IGF1: variants seen among roughly 807,000 people sequenced by gnomAD.
IGF1 encodes insulin-like growth factor 1.
In IGF1, 4 loss-of-function variants were observed where a neutral mutation model predicts 13.8. That is an observed-to-expected ratio of 0.29 (90% CI 0.14 to 0.66). The LOEUF (loss-of-function observed/expected upper bound fraction) is 0.66. Among genes scored for constraint, IGF1 ranks in the 30% least tolerant of loss-of-function variants. The probability of loss-of-function intolerance (pLI) is 0.78; values close to 1 mark genes in which losing one functional copy is unlikely to be tolerated. For missense variants in IGF1, 124 were observed against 188.5 expected, an observed-to-expected ratio of 0.66 and a Z score of 2.00; for synonymous variants, 76 against 72.6, an observed-to-expected ratio of 1.05 and a Z score of -0.23.
intron 3 of IGF1, among the ~76,000 whole-genome samples, chr12:102,407,407 T>C (rs1874270078): frequency 6.6e-6 from 1 of 152,244 alleles, no homozygotes; most frequent in Non-Finnish European, 1.5e-5. Context: ...TTGTAGTATG[T>C]ATGTAAATTG....
rs1426678259 is a variant in IGF1, at chr12:102,398,708, C to T, written c.*3799G>A. 5 of 151,994 alleles carry T rather than the reference C, an allele frequency of 3.3e-5. No individual in the cohort carries two copies. Among genetic ancestry groups the T allele is most frequent in the African/African-American group, 1.2e-4 (5 of 41,414 alleles). The allele number at this position is 151,994 out of a possible 1,614,324, so 9.4% of individuals were successfully genotyped here. On this transcript the variant is annotated 3_prime_UTR_variant, in exon 4 of 4. Transcript: ENST00000337514. The stretch of plus-strand genomic sequence containing the variant: ...GAAAGGTGGTGGTGGCTAGATAGAC[C>T]TAATGCTATTTTATTAAGCCATCTA...
rs149540080 is a variant in IGF1, at chr12:102,402,402, A to G, written c.*105T>C. The stretch of plus-strand genomic sequence containing the variant: ...GGGAAACGCCCATCTTTTAAATGTT[A>G]TCAAACTTATTTTTTGGTAGGTGTT... On this transcript the variant is annotated 3_prime_UTR_variant, in exon 4 of 4. Coordinates refer to ENST00000337514, the MANE Select transcript of IGF1 (RefSeq NM_000618.5). The G allele has an allele frequency of 1.5e-3, 1,155 of 777,440 alleles. 3 individuals are homozygous for G. Among genetic ancestry groups the G allele is most frequent in the Non-Finnish European group, 2.1e-3 (872 of 416,254 alleles). The allele number at this position is 777,440 out of a possible 1,614,324, so 48.2% of individuals were successfully genotyped here. A position where few individuals can be genotyped will look rare whatever the true frequency, so the allele number is the denominator to read the frequency against.
chr12:102,450,755 C>A (rs1285741370), intron 2 of IGF1, among the ~76,000 whole-genome samples: 7 of 152,192 alleles, frequency 4.6e-5, no homozygotes, highest in Non-Finnish European at 1.0e-4. Context: ...ATACTTCCAT[C>A]TCTGTCTCTA....
intron 2 of IGF1, among the ~76,000 whole-genome samples, chr12:102,458,233 C>T (rs879877889): frequency 6.6e-5 from 10 of 152,102 alleles, no homozygotes; most frequent in African/African-American, 1.7e-4. Context: ...TTTTTTCTAG[C>T]GTATTTGTGC....
intron 3 of IGF1, among the ~76,000 whole-genome samples, chr12:102,416,523 T>C (rs563660199): frequency 1.3e-5 from 2 of 152,324 alleles, no homozygotes; most frequent in African/African-American, 4.8e-5. Flanking sequence ...TGCTGTTGTC[T>C]CCTGGCCAAA....
chr12:102,472,913 T>C (rs1296843926), intron 2 of IGF1, among the ~76,000 whole-genome samples: 1 of 152,152 alleles, frequency 6.6e-6, no homozygotes, highest in Non-Finnish European at 1.5e-5. Context: ...TTTTATTAAA[T>C]AACTAGATAA....
chr12:102,450,759 G>T (rs185640409), intron 2 of IGF1, among the ~76,000 whole-genome samples: 1 of 152,192 alleles, frequency 6.6e-6, no homozygotes, highest in Admixed American at 6.5e-5. Context: ...TTCCATCTCT[G>T]TCTCTAGTTT....
intron 2 of IGF1, among the ~76,000 whole-genome samples, chr12:102,430,445 T>G (rs1876638349): frequency 6.6e-6 from 1 of 152,148 alleles, no homozygotes; most frequent in Non-Finnish European, 1.5e-5. Flanking sequence ...ACGAATGAAA[T>G]GACCCTCAAG....
rs1428006811 is a variant in IGF1 at position 102,419,600 on chromosome 12, C to T, written c.311G>A (p.Arg104Lys). The change falls in exon 3 of 4, where the codon AGG becomes AAG. Residue 104 changes from arginine (R) to lysine (K), a missense_variant. Coordinates refer to ENST00000337514, the MANE Select transcript of IGF1 (RefSeq NM_000618.5). ...GAGGGGTGCGCAATACATCTCCAGC[C>T]TCCTTAGATCACAGCTCCGGAAGCA... ...ECCFRSCDLR[R>K]LEMYCAPLKP... 5 of 1,613,898 alleles carry T rather than the reference C, an allele frequency of 3.1e-6. No individual in the cohort carries two copies. The highest frequency in any genetic ancestry group is 4.2e-6 in the Non-Finnish European group (5 of 1,180,022).
At chr12:102,434,396 G>A (rs1397850563) in intron 2 of IGF1, among the ~76,000 whole-genome samples, 10 of 149,530 alleles carry the variant, frequency 6.7e-5, no homozygotes, top group African/African-American at 1.5e-4. Context: ...GAGAACATGC[G>A]GTGTTTGGTT....
At chr12:102,432,870 AC>A (rs1161871643) in intron 2 of IGF1, among the ~76,000 whole-genome samples, 1 of 152,212 alleles carries the variant, frequency 6.6e-6, no homozygotes, top group East Asian at 1.9e-4. Flanking sequence ...ATACATACAT[AC>A]ATACATAAAT....
intron 3 of IGF1, among the ~76,000 whole-genome samples, chr12:102,407,483 T>G (rs1032484821): frequency 6.6e-6 from 1 of 152,222 alleles, no homozygotes; most frequent in Non-Finnish European, 1.5e-5. Flanking sequence ...TGTTTTATCT[T>G]TAAGGAATCT....
chr12:102,461,858 T>G (rs553503650), intron 2 of IGF1, among the ~76,000 whole-genome samples: 1 of 152,348 alleles, frequency 6.6e-6, no homozygotes, highest in African/African-American at 2.4e-5. Flanking sequence ...AGGTTTGACC[T>G]TAACATCATT....
intron 1 of IGF1, chr12:102,478,754 T>A (rs1158854021): frequency 1.2e-6 from 1 of 825,480 alleles, no homozygotes; most frequent in African/African-American, 1.7e-5. Context: ...GCCACCTATT[T>A]CCATTGTATG....
At chr12:102,450,390 G>A (rs1878812462) in intron 2 of IGF1, among the ~76,000 whole-genome samples, 2 of 152,334 alleles carry the variant, frequency 1.3e-5, no homozygotes, top group South Asian at 4.1e-4. Flanking sequence ...CACTTTCTTT[G>A]TGAAGCATCT....
At chr12:102,480,932 T>A (rs929765486), upstream of IGF1, among the ~76,000 whole-genome samples, 3 of 152,138 alleles carry the variant, frequency 2.0e-5, no homozygotes, top group African/African-American at 4.8e-5. Flanking sequence ...CAATTTTAGA[T>A]TCTAGAGCAA....
At chr12:102,466,568 G>A (rs77855934) in intron 2 of IGF1, among the ~76,000 whole-genome samples, 2 of 152,088 alleles carry the variant, frequency 1.3e-5, no homozygotes, top group Non-Finnish European at 2.9e-5. Context: ...TGCCAATGGC[G>A]CTTGGGGAAA....
intron 2 of IGF1, among the ~76,000 whole-genome samples, chr12:102,458,082 C>T (rs1879564057): frequency 6.6e-6 from 1 of 152,122 alleles, no homozygotes; most frequent in Non-Finnish European, 1.5e-5. Context: ...ATTTCTGGTG[C>T]CTGAGATTTG....
intron 3 of IGF1, among the ~76,000 whole-genome samples, chr12:102,406,654 A>C (rs1401056598): frequency 6.6e-6 from 1 of 152,208 alleles, no homozygotes; most frequent in Non-Finnish European, 1.5e-5. Flanking sequence ...GATTTGTGAT[A>C]TATATGATTA....
Sources: allele counts gnomAD v4.1 joint callset (sites outside exome capture counted in the v4.1 genomes callset), GRCh38; gene constraint gnomAD v4.1.1; transcripts MANE v1.5; gene names NCBI Gene and HGNC (gene_info 2026-07-23, HGNC 2026-07-21).